Variants in GPR176 observed in about 807,000 individuals in gnomAD.
The protein encoded by GPR176 is G-protein coupled receptor 176.
Under a neutral mutation model 35.4 loss-of-function variants are expected in GPR176, and 26 were observed. The observed-to-expected ratio is 0.74, with a 90% CI of 0.54 to 1.02. The LOEUF (loss-of-function observed/expected upper bound fraction) is 1.02. GPR176 is among the 50% of genes least tolerant of loss of function. The pLI, the probability that GPR176 is intolerant of heterozygous loss-of-function variation, is 0.00. For synonymous variants in GPR176, 278 were observed against 271.3 expected, an observed-to-expected ratio of 1.02 and a Z score of -0.24; for missense variants, 597 against 665.3, an observed-to-expected ratio of 0.90 and a Z score of 1.13.
rs139798436 is a variant in GPR176 at position 39,825,985 on chromosome 15, A to C, written c.173-18727T>G. 2.5e-3 allele frequency among the ~76,000 whole-genome samples: 386 copies of C among 152,322 alleles called. 2 individuals are homozygous for C. Among genetic ancestry groups the C allele is most frequent in the Middle Eastern group, 6.8e-3 (2 of 294 alleles). ...CACCATAAGTGCAGCAACAGGTCTA[A>C]GTGAGTCAAGCAGATCCTCTTACCT... is the stretch of plus-strand genomic sequence containing the variant. On this transcript the variant is annotated intron_variant, in intron 1 of 2. Transcript: ENST00000561100.
intron 1 of GPR176, among the ~76,000 whole-genome samples, chr15:39,860,616 T>C (rs1331559379): frequency 6.6e-6 from 1 of 152,220 alleles, no homozygotes; most frequent in Non-Finnish European, 1.5e-5. Context: ...ATCCCATGAT[T>C]GGCTAAATCA....
intron 1 of GPR176, among the ~76,000 whole-genome samples, chr15:39,821,030 T>C (rs1382297577): frequency 6.6e-6 from 1 of 152,230 alleles, no homozygotes; most frequent in Non-Finnish European, 1.5e-5. Context: ...CCAAGATTCA[T>C]GATGGTGATG....
In GPR176 at chr15:39,810,082, T is replaced by C. The variant is rs113704782; in HGVS notation, c.173-2824A>G. ...ACGGCGTGAACCCAGGAGGCGGAGC[T>C]TGCAGTGAGCTGAGATCGTGCCACT... On this transcript the variant is annotated intron_variant, in intron 1 of 2. Transcript: ENST00000561100. 7.0e-3 allele frequency among the ~76,000 whole-genome samples: 1,060 copies of C among 151,424 alleles called. 13 individuals are homozygous for C. The highest frequency in any genetic ancestry group is 0.024 in the African/African-American group (1,004 of 41,214).
chr15:39,889,608 T>TAAAATAAAATAAAATAAAAC (rs1369801259), intron 1 of GPR176, among the ~76,000 whole-genome samples: 42 of 136,572 alleles, frequency 3.1e-4, no homozygotes, highest in African/African-American at 7.2e-4. Flanking sequence ...TAAAATAAAA[T>TAAAATAAAATAAAATAAAAC]AAAACAAAAC....
At chr15:39,915,049 G>A (rs117731985) in intron 1 of GPR176, among the ~76,000 whole-genome samples, 2 of 152,068 alleles carry the variant, frequency 1.3e-5, no homozygotes, top group Non-Finnish European at 2.9e-5. Flanking sequence ...CCACCTCATG[G>A]AATCAAGCCA....
Position 39,801,341 on chromosome 15 carries a change from C to T in GPR176, c.1339G>A (p.Asp447Asn). The change falls in exon 3 of 3, where the codon GAT becomes AAT. Residue 447 changes from aspartate (D) to asparagine (N), a missense_variant. Physicochemically the swap from Asp to Asn is conservative, Grantham distance 23. Coordinates refer to ENST00000561100, the MANE Select transcript of GPR176 (RefSeq NM_007223.3). ...AAGCCAAACTGCAGGGAATACTTAT[C>T]AGGGAATGTTTCAGGTTCCACAGGG... Reference protein sequence around the residue: ...AAPVEPETFPDKYSLQFGFGP... With the variant: ...AAPVEPETFPNKYSLQFGFGP... 6.2e-7 allele frequency: 1 copy of T among 1,614,152 alleles called. No homozygotes were observed. Among genetic ancestry groups the T allele is most frequent in the East Asian group, 2.2e-5 (1 of 44,878 alleles).
At chr15:39,919,595 G>C (rs1267150349) in intron 1 of GPR176, among the ~76,000 whole-genome samples, 1 of 152,188 alleles carries the variant, frequency 6.6e-6, no homozygotes, top group East Asian at 1.9e-4. Context: ...CATCTGAGGA[G>C]GGGGACTCCC....
At chr15:39,869,222 TTACTTTAAA>T (rs977096707) in intron 1 of GPR176, among the ~76,000 whole-genome samples, 1 of 152,206 alleles carries the variant, frequency 6.6e-6, no homozygotes, top group African/African-American at 2.4e-5. Flanking sequence ...GTCCATCATT[TTACTTTAAA>T]AAGGACTCTA....
chr15:39,845,136 T>C (rs1351494993), intron 1 of GPR176, among the ~76,000 whole-genome samples: 1 of 152,062 alleles, frequency 6.6e-6, no homozygotes, highest in East Asian at 1.9e-4. Context: ...TGAGAGGCTA[T>C]TCCTACCTAG....
At position 39,886,673 on chromosome 15, in the gene GPR176, T is replaced by G. The variant is rs974392390; in HGVS notation, c.172+33182A>C. Reference sequence around the variant, plus strand: ...TACTCACACTGATCTCCTTTGTAAATTATTATGCAAATGTTCCGGTTCCAT... The same window carrying G: ...TACTCACACTGATCTCCTTTGTAAAGTATTATGCAAATGTTCCGGTTCCAT... On this transcript the variant is annotated intron_variant, in intron 1 of 2. Transcript: ENST00000561100. Among the ~76,000 whole-genome samples the G allele has an allele frequency of 3.9e-5, 6 of 152,226 alleles. No homozygotes were observed. In the East Asian group the frequency reaches 1.2e-3, roughly 29 times the overall value.
Position 39,801,762 on chromosome 15 carries a change from A to T in GPR176, c.918T>A (p.Val306=). 1.9e-6 allele frequency: 3 copies of T among 1,614,022 alleles called. No homozygotes were observed. The highest frequency in any genetic ancestry group is 2.5e-6 in the Non-Finnish European group (3 of 1,179,952). ...DTSVFLLLTA[V]WLPKVSLLAN... ...CCAGCAGGGAGACTTTGGGCAGCCA[A>T]ACAGCAGTGAGCAGCAAGAAGACGG... The change falls in exon 3 of 3, where the codon GTT becomes GTA. Residue 306 remains valine (V), a synonymous_variant. Transcript: ENST00000561100.
At chr15:39,885,260 A>T (rs1317998657) in intron 1 of GPR176, among the ~76,000 whole-genome samples, 2 of 152,224 alleles carry the variant, frequency 1.3e-5, no homozygotes, top group African/African-American at 4.8e-5. Flanking sequence ...GAATCAAGCT[A>T]ACCCTCTAGC....
intron 1 of GPR176, among the ~76,000 whole-genome samples, chr15:39,909,254 C>T (rs1380227460): frequency 1.3e-5 from 2 of 152,126 alleles, no homozygotes; most frequent in Non-Finnish European, 2.9e-5. Flanking sequence ...TGATGGATGC[C>T]TCTGGTTCTT....
intron 1 of GPR176, among the ~76,000 whole-genome samples, chr15:39,821,635 T>C (rs1225556927): frequency 6.6e-6 from 1 of 152,210 alleles, no homozygotes; most frequent in East Asian, 1.9e-4. Context: ...TAAAGAACTC[T>C]GAAATTTTGT....
At chr15:39,838,795 C>T (rs998687711) in intron 1 of GPR176, among the ~76,000 whole-genome samples, 1 of 152,138 alleles carries the variant, frequency 6.6e-6, no homozygotes, top group Admixed American at 6.6e-5. Context: ...CCCTCTCTCA[C>T]CACTCCTATT....
chr15:39,849,598 T>C (rs2030709801), intron 1 of GPR176, among the ~76,000 whole-genome samples: 1 of 152,138 alleles, frequency 6.6e-6, no homozygotes, highest in Non-Finnish European at 1.5e-5. Context: ...CTTTCAACAT[T>C]TGAAAATCAA....
rs144222534 is a variant in GPR176 at position 39,873,084 on chromosome 15, C to T, written c.172+46771G>A. ...AATGAAAAACAGTGAAGAGTCCATT[C>T]GAAAAATACAGGTGCTGATAGCTAA... is the stretch of plus-strand genomic sequence containing the variant. On this transcript the variant is annotated intron_variant, in intron 1 of 2. Coordinates refer to ENST00000561100, the MANE Select transcript of GPR176 (RefSeq NM_007223.3). Among the ~76,000 whole-genome samples the T allele has an allele frequency of 3.9e-5, 6 of 152,096 alleles. No homozygotes were observed. In the East Asian group the frequency reaches 7.7e-4, roughly 20 times the overall value.
intron 2 of GPR176, among the ~76,000 whole-genome samples, chr15:39,805,595 A>T (rs1387478378): frequency 6.6e-6 from 1 of 152,106 alleles, no homozygotes; most frequent in Non-Finnish European, 1.5e-5. Context: ...ACGTGCCACA[A>T]TTGCAACCTG....
At chr15:39,886,282 G>A (rs2032672259) in intron 1 of GPR176, among the ~76,000 whole-genome samples, 1 of 151,876 alleles carries the variant, frequency 6.6e-6, no homozygotes, top group South Asian at 2.1e-4. Context: ...TTGCCTACCA[G>A]GAACTGTAAG....
Sources: gnomAD v4.1 joint callset for allele counts (sites outside exome capture counted in the v4.1 genomes callset) on GRCh38, gnomAD v4.1.1 for gene constraint, MANE v1.5 for transcripts, NCBI Gene and HGNC (gene_info 2026-07-23, HGNC 2026-07-21) for gene names.